The following GOLGA5 variants were observed in gnomAD, a reference collection of about 807,000 sequenced individuals.
GOLGA5 encodes golgin subfamily A member 5.
In GOLGA5, 50 loss-of-function variants were observed where a neutral mutation model predicts 93.5. That is an observed-to-expected ratio of 0.53 (90% CI 0.43 to 0.68). The LOEUF (loss-of-function observed/expected upper bound fraction) is 0.68, where lower values mean the gene tolerates loss of function less well. Among genes scored for constraint, GOLGA5 ranks in the 30% least tolerant of loss-of-function variants. The pLI is 0.00. For missense variants in GOLGA5, 760 were observed against 856.4 expected (o/e 0.89, Z 1.40); for synonymous variants, 312 against 304.5 (o/e 1.02, Z -0.26).
At chr14:92,796,345 A>C (rs1884727070) in intron 1 of GOLGA5, among the ~76,000 whole-genome samples, 1 of 152,206 alleles carries the variant, frequency 6.6e-6, no homozygotes, top group African/African-American at 2.4e-5. Context: ...GGCTGGGCCA[A>C]CAGAAATTTA....
chr14:92,839,284 AGT>A, intron 12 of GOLGA5, 80 bp from the exon 13 acceptor site: 3 of 818,618 alleles, frequency 3.7e-6, no homozygotes, highest in Non-Finnish European at 6.4e-6. Context: ...GGTAAGACAC[AGT>A]GCCTGCCCTC....
intron 9 of GOLGA5, among the ~76,000 whole-genome samples, chr14:92,831,338 G>T (rs111599189): frequency 9.5e-4 from 144 of 152,216 alleles, no homozygotes; most frequent in African/African-American, 3.4e-3. Flanking sequence ...AGCCCAAATT[G>T]GAAACAACCC....
At chr14:92,797,226 T>TC (rs976932956) in intron 1 of GOLGA5, among the ~76,000 whole-genome samples, 182 bp from the exon 2 acceptor site, 13 of 151,950 alleles carry the variant, frequency 8.6e-5, no homozygotes, top group African/African-American at 2.9e-4. Flanking sequence ...AAGTACACTT[T>TC]CCCCCCCATT....
rs748184546 is a variant in GOLGA5 at position 92,797,654 on chromosome 14, C to A, written c.217C>A (p.Gln73Lys). ...ATCAGCAGCTGATAACATTCGAAAT[C>A]AAAAAGCCACCATCTTAGCTGGCAC... is the stretch of plus-strand genomic sequence containing the variant. ...ISSAADNIRN[Q>K]KATILAGTAN... Residue 73 changes from glutamine (Q) to lysine (K), a missense_variant, in exon 2 of 13, where the codon CAA (glutamine) becomes AAA (lysine). By Grantham distance (53) the Gln-to-Lys change is moderately conservative. Coordinates refer to ENST00000163416, the MANE Select transcript of GOLGA5 (RefSeq NM_005113.4). The A allele has an allele frequency of 2.6e-5, 42 of 1,613,566 alleles. No homozygotes were observed. Among genetic ancestry groups the A allele is most frequent in the Non-Finnish European group, 3.1e-5 (36 of 1,179,662 alleles).
chr14:92,798,427 A>G (rs1235787097), intron 2 of GOLGA5, among the ~76,000 whole-genome samples: 5 of 152,222 alleles, frequency 3.3e-5, no homozygotes, highest in Non-Finnish European at 7.3e-5. Context: ...TCCTCCACAA[A>G]TAAAGCTGAG....
chr14:92,797,924 C>A lies in GOLGA5; in HGVS notation c.487C>A (p.Pro163Thr). Residue 163 changes from proline to threonine, a missense_variant, in exon 2 of 13, where the codon CCC (proline) becomes ACC (threonine). Physicochemically the swap from Pro to Thr is conservative, Grantham distance 38. Coordinates refer to ENST00000163416, the MANE Select transcript of GOLGA5 (RefSeq NM_005113.4). ...GACATCAAGTGTCAGTTCTGTGAAC[C>A]CCAGTGTAACCACCATCAAAACCAT... is the stretch of plus-strand genomic sequence containing the variant. ...SQTSSVSSVN[P>T]SVTTIKTIEE... The A allele has an allele frequency of 3.7e-6, 6 of 1,604,884 alleles. No homozygotes were observed. The highest frequency in any genetic ancestry group is 4.2e-6 in the Non-Finnish European group (5 of 1,177,560).
In GOLGA5 at chr14:92,833,263, C is replaced by T. The variant is rs143154450; in HGVS notation, c.1861C>T (p.Arg621Cys). 2.2e-5 allele frequency: 35 copies of T among 1,613,558 alleles called. No homozygotes were observed. The highest frequency in any genetic ancestry group is 2.1e-4 in the African/African-American group (16 of 74,890). The change falls in exon 10 of 13, where the codon CGC (arginine) becomes TGC (cysteine). Residue 621 changes from arginine (R) to cysteine (C), a missense_variant. Coordinates refer to ENST00000163416, the MANE Select transcript of GOLGA5 (RefSeq NM_005113.4). ...EKNSLVFQLERLEQQMNSASG... is the reference protein window; with the variant it reads ...EKNSLVFQLECLEQQMNSASG... ...GAACTCCCTGGTCTTTCAACTGGAG[C>T]GCCTCGAACAGCAGATGAACTCCGC...
intron 9 of GOLGA5, among the ~76,000 whole-genome samples, chr14:92,831,745 A>C (rs1885536285): frequency 6.6e-6 from 1 of 152,090 alleles, no homozygotes; most frequent in Non-Finnish European, 1.5e-5. Flanking sequence ...ATACTCAATA[A>C]AATTCCATCT....
At position 92,797,648 on chromosome 14, in the gene GOLGA5, C is replaced by A; in HGVS notation, c.211C>A (p.Arg71=). ...TATTTCATCAGCAGCTGATAACATT[C>A]GAAATCAAAAAGCCACCATCTTAGC... The part of the protein sequence containing the change: ...TYISSAADNI[R]NQKATILAGT... Residue 71 remains arginine (R), a synonymous_variant, in exon 2 of 13, where the codon CGA becomes AGA. Coordinates refer to ENST00000163416, the MANE Select transcript of GOLGA5 (RefSeq NM_005113.4). The A allele has an allele frequency of 1.9e-6, 3 of 1,613,248 alleles. No homozygotes were observed. The highest frequency in any genetic ancestry group is 1.1e-5 in the South Asian group (1 of 91,044).
intron 10 of GOLGA5, among the ~76,000 whole-genome samples, chr14:92,833,756 A>G (rs1296181264): frequency 6.6e-6 from 1 of 152,246 alleles, no homozygotes; most frequent in Non-Finnish European, 1.5e-5. Context: ...ATAGATTCCC[A>G]ACATATGTAA....
In GOLGA5 at chr14:92,795,723, A is replaced by G. The variant is rs142703778; in HGVS notation, c.-31+1267A>G. 5.9e-3 allele frequency among the ~76,000 whole-genome samples: 409 copies of G among 68,870 alleles called. 3 individuals carry two copies. The highest frequency in any genetic ancestry group is 0.027 in the African/African-American group (390 of 14,490). 45.2% of individuals were successfully genotyped at this position (68,870 alleles called of 152,430 possible). ...TGCCCCACTTTCCCCAAGAACAAGA[A>G]GCATGTTAAAAAAATACGTAATTAT... On this transcript the variant is annotated intron_variant, in intron 1 of 12. Transcript: ENST00000163416.
intron 8 of GOLGA5, among the ~76,000 whole-genome samples, chr14:92,821,961 C>A (rs1331427114): frequency 6.6e-6 from 1 of 152,132 alleles, no homozygotes; most frequent in Non-Finnish European, 1.5e-5. Flanking sequence ...TACCTCTTCC[C>A]AGTGCCTTTT....
chr14:92,798,188 T>G (rs7148156), intron 2 of GOLGA5, among the ~76,000 whole-genome samples: 12,198 of 152,262 alleles, frequency 0.08, 1,675 homozygotes, highest in African/African-American at 0.28. Context: ...TCATGTTGTC[T>G]GGAGGGCAAC....
chr14:92,812,236 A>C (rs743220), intron 6 of GOLGA5, among the ~76,000 whole-genome samples: 10,961 of 152,168 alleles, frequency 0.072, 557 homozygotes, highest in South Asian at 0.19. Flanking sequence ...GAGGGAAAAC[A>C]TGTCCTTTCA....
intron 6 of GOLGA5, among the ~76,000 whole-genome samples, chr14:92,812,003 G>A (rs1232375509): frequency 6.6e-6 from 1 of 152,154 alleles, no homozygotes; most frequent in Non-Finnish European, 1.5e-5. Context: ...CTTACTCACT[G>A]TGATGATATT....
intron 11 of GOLGA5, 34 bp downstream of exon 11, chr14:92,835,698 A>G (rs756774662): frequency 3.1e-6 from 4 of 1,290,264 alleles, no homozygotes; most frequent in Non-Finnish European, 4.5e-6. Flanking sequence ...GTGATGGACC[A>G]TCAGCTGTTT....
At chr14:92,812,207 C>A (rs1288095176) in intron 6 of GOLGA5, among the ~76,000 whole-genome samples, 4 of 152,116 alleles carry the variant, frequency 2.6e-5, no homozygotes, top group African/African-American at 9.7e-5. Context: ...TTTTTGAATT[C>A]TCTTTCCTTT....
intron 9 of GOLGA5, 49 bp from the exon 10 acceptor site, chr14:92,833,073 G>A: frequency 1.0e-6 from 1 of 996,622 alleles, no homozygotes. Flanking sequence ...TTTCTGTATT[G>A]TATGACTTTC....
rs1161460782 is a variant in GOLGA5 at position 92,810,513 on chromosome 14, C to T, written c.1116+136C>T. The T allele has an allele frequency of 8.7e-6, 5 of 574,286 alleles. No individual in the cohort carries two copies. The East Asian group carries it at 1.7e-4, about 20-fold the overall frequency. The allele number at this position is 574,286 out of a possible 1,614,324, so 35.6% of individuals were successfully genotyped here. ...AAAATTCTGTTTCTGTGACAAAAATCAGATATTTGAAAATTTAGCTTGATC... is the reference window on the plus strand; with the variant it reads ...AAAATTCTGTTTCTGTGACAAAAATTAGATATTTGAAAATTTAGCTTGATC... On this transcript the variant is annotated intron_variant, in intron 5 of 12. Coordinates refer to ENST00000163416, the MANE Select transcript of GOLGA5 (RefSeq NM_005113.4).
Sources: gnomAD v4.1 joint callset for allele counts (sites outside exome capture counted in the v4.1 genomes callset) on GRCh38, gnomAD v4.1.1 for gene constraint, MANE v1.5 for transcripts, NCBI Gene and HGNC (gene_info 2026-07-23, HGNC 2026-07-21) for gene names.